The following ACADSB variants were observed in gnomAD, a reference collection of about 807,000 sequenced individuals.
The protein encoded by ACADSB is acyl-CoA dehydrogenase short/branched chain.
In ACADSB, 40 loss-of-function variants were observed where a neutral mutation model predicts 54.1. The ratio of observed to expected loss-of-function variants is 0.74; its 90% CI spans 0.57 to 0.96. The LOEUF is 0.96. Ranked by LOEUF, ACADSB falls within the 40% of genes least tolerant of loss-of-function variation. The probability of loss-of-function intolerance (pLI) is 0.00; values close to 1 mark genes in which losing one functional copy is unlikely to be tolerated. For synonymous variants in ACADSB, 182 were observed against 182.8 expected (o/e 1.00, Z 0.03); for missense variants, 530 against 510.4 (o/e 1.04, Z -0.37).
At chr10:123,013,851 G>A (rs570041717) in intron 1 of ACADSB, among the ~76,000 whole-genome samples, 30 of 152,250 alleles carry the variant, frequency 2.0e-4, no homozygotes, top group African/African-American at 6.7e-4. Flanking sequence ...GCCCACAAGC[G>A]CCACGCAGCC....
intron 7 of ACADSB, among the ~76,000 whole-genome samples, chr10:123,045,160 T>TATATAGATATATATATATATAG (rs1850541171): frequency 1.3e-4 from 2 of 15,096 alleles, no homozygotes; most frequent in African/African-American, 6.1e-4. Flanking sequence ...TATATATATA[T>TATATAGATATATATATATATAG]ATATATATAT....
At chr10:123,012,147 G>A (rs1257024676) in intron 1 of ACADSB, among the ~76,000 whole-genome samples, 1 of 152,224 alleles carries the variant, frequency 6.6e-6, no homozygotes, top group Non-Finnish European at 1.5e-5. Flanking sequence ...ATTGCACCCA[G>A]CCAAGAGGTG....
At chr10:123,023,113 C>A (rs543018342) in intron 1 of ACADSB, among the ~76,000 whole-genome samples, 2 of 152,256 alleles carry the variant, frequency 1.3e-5, no homozygotes, top group South Asian at 4.1e-4. Flanking sequence ...GAAGACTTGG[C>A]TAACAACATT....
At chr10:123,035,333 A>C (rs533520873) in intron 2 of ACADSB, among the ~76,000 whole-genome samples, 1 of 152,288 alleles carries the variant, frequency 6.6e-6, no homozygotes, top group East Asian at 1.9e-4. Context: ...TGAAACACGG[A>C]GCCCAAATGA....
chr10:123,039,429 C>A (rs1276234423), intron 3 of ACADSB, among the ~76,000 whole-genome samples: 1 of 152,210 alleles, frequency 6.6e-6, no homozygotes, highest in Non-Finnish European at 1.5e-5. Context: ...CACATGCACA[C>A]ATTCTCTTTG....
chr10:123,010,275 A>G lies in ACADSB; in HGVS notation c.42+1204A>G, dbSNP rs113086331. ...AGTTTAATCTTGCAGATGCTGAAAA[A>G]GAATAATAGCTTGCCCACAGATAGA... On this transcript the variant is annotated intron_variant, in intron 1 of 10. Coordinates refer to ENST00000358776, the MANE Select transcript of ACADSB (RefSeq NM_001609.4). 3.1e-3 allele frequency among the ~76,000 whole-genome samples: 473 copies of G among 152,364 alleles called. 3 individuals are homozygous for G. The highest frequency in any genetic ancestry group is 0.011 in the African/African-American group (445 of 41,588).
chr10:123,045,146 TA>T (rs1564752870), intron 7 of ACADSB, among the ~76,000 whole-genome samples: 338 of 14,396 alleles, frequency 0.023, 13 homozygotes, highest in Non-Finnish European at 0.039. Context: ...TATATATATA[TA>T]TATATATATA....
intron 3 of ACADSB, among the ~76,000 whole-genome samples, chr10:123,039,250 G>A (rs1024203609): frequency 4.6e-5 from 7 of 152,042 alleles, no homozygotes; most frequent in Non-Finnish European, 8.8e-5. Context: ...GTTCTTCCTC[G>A]TTTCTGGTTT....
intron 1 of ACADSB, among the ~76,000 whole-genome samples, chr10:123,015,224 G>A (rs563536275): frequency 2.6e-5 from 4 of 152,312 alleles, no homozygotes; most frequent in East Asian, 1.9e-4. Context: ...TTTGTCTTCC[G>A]TTGATCTCTC....
At position 123,034,573 on chromosome 10, in the gene ACADSB, T is replaced by C; in HGVS notation, c.202+58T>C. On this transcript the variant is annotated intron_variant, in intron 2 of 10. Transcript: ENST00000358776. ...CCCAGACAGGATCTCTGGAGCATAG[T>C]GGTGCAATCATGGCTCACTGCAGCC... 6 of 1,567,146 alleles carry C rather than the reference T, an allele frequency of 3.8e-6. No homozygotes were observed. In the South Asian group the frequency reaches 4.5e-5, roughly 12 times the overall value.
In ACADSB at chr10:123,034,524, A is replaced by AT. The variant is rs762101890; in HGVS notation, c.202+12dup. The AT allele has an allele frequency of 6.2e-7, 1 of 1,604,114 alleles. No individual in the cohort carries two copies. The highest frequency in any genetic ancestry group is 1.3e-5 in the African/African-American group (1 of 74,914). Reference sequence around the variant, plus strand: ...GATGATAAAGAGTTCAGGTAAGTAAATTTATCAGTGTCACCTTTTTCTCCC... The same window carrying AT: ...GATGATAAAGAGTTCAGGTAAGTAAATTTTATCAGTGTCACCTTTTTCTCCC... On this transcript the variant is annotated intron_variant, in intron 2 of 10. Transcript: ENST00000358776.
chr10:123,051,002 T>C, intron 8 of ACADSB, 47 bp from the exon 9 acceptor site: 1 of 1,601,394 alleles, frequency 6.2e-7, no homozygotes, highest in Non-Finnish European at 8.5e-7. Flanking sequence ...TTGAGGTGCT[T>C]GCTTTTTTGA....
chr10:123,034,021 A>G (rs1446950751), intron 1 of ACADSB, among the ~76,000 whole-genome samples: 1 of 152,220 alleles, frequency 6.6e-6, no homozygotes, highest in Non-Finnish European at 1.5e-5. Flanking sequence ...TTTAGACATC[A>G]GTGGTGCTAT....
rs1849950390 is a variant in ACADSB at position 123,009,021 on chromosome 10, G to C, written c.-9G>C. The C allele has an allele frequency of 6.5e-7, 1 of 1,547,830 alleles. No homozygotes were observed. The highest frequency in any genetic ancestry group is 2.0e-5 in the Admixed American group (1 of 50,990). ...CCAGAGGCGCAGAGCGGAGAGGCCT[G>C]CGGCGAGGATGGAGGGCCTGGCAGT... On this transcript the variant is annotated 5_prime_UTR_variant, in exon 1 of 11. Transcript: ENST00000358776.
intron 1 of ACADSB, among the ~76,000 whole-genome samples, chr10:123,022,689 T>C (rs1272731545): frequency 6.7e-6 from 1 of 148,724 alleles, no homozygotes; most frequent in Non-Finnish European, 1.5e-5. Context: ...TAATTCGAAT[T>C]CTTATCCTTA....
At chr10:123,048,665 C>T (rs1013582245) in intron 8 of ACADSB, among the ~76,000 whole-genome samples, 2 of 151,838 alleles carry the variant, frequency 1.3e-5, no homozygotes, top group East Asian at 3.9e-4. Context: ...TTTAGAGATG[C>T]CTAGTATGGA....
intron 8 of ACADSB, among the ~76,000 whole-genome samples, chr10:123,048,402 A>G (rs190031001): frequency 2.2e-4 from 34 of 152,240 alleles, no homozygotes; most frequent in African/African-American, 8.2e-4. Flanking sequence ...CCAAGGTCAT[A>G]AAGCTAATAT....
intron 7 of ACADSB, among the ~76,000 whole-genome samples, chr10:123,045,161 ATATATATATATTTTTTTTTTTT>A (rs1850541628): frequency 7.5e-5 from 1 of 13,298 alleles, no homozygotes; most frequent in Non-Finnish European, 1.3e-4. Flanking sequence ...ATATATATAT[ATATATATATATTTTTTTTTTTT>A]TTTTTTTTTT....
rs374629804 is a variant in ACADSB, at chr10:123,053,698, C to T, written c.1232C>T (p.Thr411Met). Residue 411 changes from threonine to methionine, a missense_variant, in exon 11 of 11, where the codon ACG becomes ATG. By Grantham distance (81) the Thr-to-Met change is moderately conservative. Transcript: ENST00000358776. ...EKYFRDAKIGTIYEGASNIQL... is the reference protein window; with the variant it reads ...EKYFRDAKIGMIYEGASNIQL... ...CTTCTGCTTCCTTTTGCTTAAGGTACGATATATGAAGGAGCTTCCAACATC... is the reference window on the plus strand; with the variant it reads ...CTTCTGCTTCCTTTTGCTTAAGGTATGATATATGAAGGAGCTTCCAACATC... The T allele has an allele frequency of 3.8e-5, 61 of 1,613,268 alleles. No homozygotes were observed. The highest frequency in any genetic ancestry group is 3.3e-4 in the Middle Eastern group (2 of 6,060).
Sources: allele counts gnomAD v4.1 joint callset (sites outside exome capture counted in the v4.1 genomes callset), GRCh38; gene constraint gnomAD v4.1.1; transcripts MANE v1.5; gene names NCBI Gene and HGNC (gene_info 2026-07-23, HGNC 2026-07-21).